The following PLXNA4 variants were observed in gnomAD, a reference collection of about 807,000 sequenced individuals.
PLXNA4 encodes plexin A4.
A neutral mutation model predicts 191.8 loss-of-function variants in PLXNA4; 44 were observed. The observed-to-expected ratio is 0.23, with a 90% CI of 0.18 to 0.29. The LOEUF is 0.29. PLXNA4 is among the 10% of genes least tolerant of loss of function. The pLI, the probability that PLXNA4 is intolerant of heterozygous loss-of-function variation, is 1.00. For missense variants in PLXNA4, 1,800 were observed against 2,488.8 expected (o/e 0.72, Z 5.89); for synonymous variants, 1,082 against 1,009.5 (o/e 1.07, Z -1.36).
In PLXNA4 at chr7:132,130,511, G is replaced by C; in HGVS notation, c.5653C>G (p.Gln1885Glu). ...TCTAAGCTCATGAGGGTTATGACTT[G>C]TTCTAGTTTGTAGGCCAGTTTCTGC... is the stretch of plus-strand genomic sequence containing the variant. ...GKQKLAYKLEQVITLMSLDS is the reference protein window; with the variant it reads ...GKQKLAYKLEEVITLMSLDS The change falls in exon 32 of 32, where the codon CAA becomes GAA. Residue 1885 changes from glutamine (Q) to glutamate (E), a missense_variant. Transcript: ENST00000321063. The C allele has an allele frequency of 6.2e-7, 1 of 1,614,168 alleles. No individual in the cohort carries two copies. The highest frequency in any genetic ancestry group is 8.5e-7 in the Non-Finnish European group (1 of 1,180,036).
chr7:132,181,676 C>G, intron 17 of PLXNA4, 56 bp from the exon 18 acceptor site: 1 of 1,594,482 alleles, frequency 6.3e-7, no homozygotes, highest in Non-Finnish European at 8.6e-7. Context: ...ACCCACAGCC[C>G]CAGTGCACAT....
At chr7:132,609,365 G>C (rs921615130) in intron 2 of PLXNA4, among the ~76,000 whole-genome samples, 2 of 152,108 alleles carry the variant, frequency 1.3e-5, no homozygotes, top group South Asian at 2.1e-4. Context: ...TCATGTGGTT[G>C]TAAGTCCTGC....
chr7:132,339,795 C>T (rs920812331), intron 3 of PLXNA4, among the ~76,000 whole-genome samples: 2 of 152,068 alleles, frequency 1.3e-5, no homozygotes, highest in Admixed American at 6.5e-5. Flanking sequence ...ACCTAGCATG[C>T]CTGTATTCAG....
intron 2 of PLXNA4, among the ~76,000 whole-genome samples, chr7:132,490,528 C>T (rs156929): frequency 0.72 from 108,283 of 149,874 alleles, 41,650 homozygotes; most frequent in Non-Finnish European, 0.85. Flanking sequence ...CAGGCTCAAG[C>T]GATCCTCCAA....
Position 132,298,097 on chromosome 7 carries a change from C to T in PLXNA4, c.1497G>A (p.Glu499=), listed in dbSNP as rs770436296. Residue 499 remains glutamate, a synonymous_variant, in exon 4 of 32, where the codon GAG becomes GAA. Coordinates refer to ENST00000321063, the MANE Select transcript of PLXNA4 (RefSeq NM_020911.2). ...KDHEQLYIMS[E]RQLTRVPVES... The stretch of plus-strand genomic sequence containing the variant: ...GGAGCCCGAAGAGCCTTACCTGCCT[C>T]TCTGACATGATGTAGAGTTGCTCGT... 1.9e-6 allele frequency: 3 copies of T among 1,614,100 alleles called. No individual in the cohort carries two copies. The highest frequency in any genetic ancestry group is 2.5e-6 in the Non-Finnish European group (3 of 1,180,048).
intron 1 of PLXNA4, among the ~76,000 whole-genome samples, chr7:132,511,260 A>G (rs1798703626): frequency 6.7e-6 from 1 of 150,164 alleles, no homozygotes; most frequent in South Asian, 2.1e-4. Flanking sequence ...AATCCTCACC[A>G]CTGTTCCCTG....
At chr7:132,469,117 A>C (rs1796823580) in intron 3 of PLXNA4, among the ~76,000 whole-genome samples, 1 of 67,252 alleles carries the variant, frequency 1.5e-5, no homozygotes, top group Non-Finnish European at 3.3e-5. Flanking sequence ...ATGCACACCA[A>C]CCAAAAAAAA....
At chr7:132,168,986 G>A (rs891891973) in intron 21 of PLXNA4, among the ~76,000 whole-genome samples, 1 of 152,170 alleles carries the variant, frequency 6.6e-6, no homozygotes, top group Non-Finnish European at 1.5e-5. Context: ...CCCTGAGCCT[G>A]GGACTAACCT....
intron 3 of PLXNA4, among the ~76,000 whole-genome samples, chr7:132,435,675 G>C (rs1279426780): frequency 6.6e-6 from 1 of 152,206 alleles, no homozygotes; most frequent in South Asian, 2.1e-4. Flanking sequence ...GGCAACACTT[G>C]TCTTTGTGTT....
intron 1 of PLXNA4, among the ~76,000 whole-genome samples, chr7:132,575,620 T>C (rs542368911): frequency 1.3e-5 from 2 of 152,324 alleles, no homozygotes; most frequent in East Asian, 3.9e-4. Flanking sequence ...CTCCAAGTCC[T>C]GTCTGCTTGC....
At chr7:132,396,889 C>T (rs1793787290) in intron 3 of PLXNA4, among the ~76,000 whole-genome samples, 1 of 152,242 alleles carries the variant, frequency 6.6e-6, no homozygotes, top group African/African-American at 2.4e-5. Context: ...GCAGGATGCT[C>T]GTTTCTTTAG....
chr7:132,647,445 A>C (rs1456825514), intron 1 of PLXNA4, among the ~76,000 whole-genome samples: 1 of 152,096 alleles, frequency 6.6e-6, no homozygotes, highest in Non-Finnish European at 1.5e-5. Context: ...ATATGCACTC[A>C]CACACTTACA....
chr7:132,430,505 G>A (rs1276337843), intron 3 of PLXNA4, among the ~76,000 whole-genome samples: 1 of 152,166 alleles, frequency 6.6e-6, no homozygotes, highest in Non-Finnish European at 1.5e-5. Flanking sequence ...GGGCAGTTGA[G>A]CTAAGCCTGA....
At chr7:132,141,162 CTCTG>C (rs1166555363) in intron 29 of PLXNA4, among the ~76,000 whole-genome samples, 7 of 152,290 alleles carry the variant, frequency 4.6e-5, no homozygotes, top group Admixed American at 3.9e-4. Flanking sequence ...ATTTCTAACT[CTCTG>C]TCTGTCTGCT....
At chr7:132,131,265 G>A (rs1794917655) in intron 31 of PLXNA4, among the ~76,000 whole-genome samples, 1 of 152,172 alleles carries the variant, frequency 6.6e-6, no homozygotes. Context: ...CTCAGACTCA[G>A]GAGATGAGGG....
Position 132,192,864 on chromosome 7 carries a change from G to A in PLXNA4, c.2856+1198C>T, listed in dbSNP as rs139402450. Among the ~76,000 whole-genome samples, 6 of 152,222 alleles carry A rather than the reference G, an allele frequency of 3.9e-5. No homozygotes were observed. In the East Asian group the frequency reaches 1.2e-3, roughly 29 times the overall value. On this transcript the variant is annotated intron_variant, in intron 14 of 31. Transcript: ENST00000321063. ...CTACTTGTCAGGCAGCCTTTGAAGG[G>A]ATGAGAGGTTCCAGGCAGGAAGGAA...
intron 3 of PLXNA4, among the ~76,000 whole-genome samples, chr7:132,342,725 T>G (rs957669233): frequency 2.0e-5 from 3 of 152,078 alleles, no homozygotes; most frequent in Non-Finnish European, 4.4e-5. Context: ...GGTGGGTAGA[T>G]CACCTGAGGT....
chr7:132,411,823 A>G (rs1794469860), intron 3 of PLXNA4, among the ~76,000 whole-genome samples: 1 of 152,142 alleles, frequency 6.6e-6, no homozygotes, highest in Admixed American at 6.5e-5. Flanking sequence ...TCTCTCATTC[A>G]CATCGATATT....
At chr7:132,252,925 G>C (rs1490933716) in intron 4 of PLXNA4, among the ~76,000 whole-genome samples, 1 of 152,124 alleles carries the variant, frequency 6.6e-6, no homozygotes, top group Non-Finnish European at 1.5e-5. Context: ...ATTCATATTT[G>C]AGTTAAAAAA....
Sources: gnomAD v4.1 joint callset for allele counts (sites outside exome capture counted in the v4.1 genomes callset) on GRCh38, gnomAD v4.1.1 for gene constraint, MANE v1.5 for transcripts, NCBI Gene and HGNC (gene_info 2026-07-23, HGNC 2026-07-21) for gene names.